The following EEPD1 variants were observed in gnomAD, a reference collection of about 807,000 sequenced individuals.
The protein encoded by EEPD1 is endonuclease/exonuclease/phosphatase family domain-containing protein 1.
Under a neutral mutation model 46.3 loss-of-function variants are expected in EEPD1, and 17 were observed. The ratio of observed to expected loss-of-function variants is 0.37; its 90% CI spans 0.25 to 0.55. The LOEUF (loss-of-function observed/expected upper bound fraction) is 0.55. Ranked by LOEUF, EEPD1 falls within the 20% of genes least tolerant of loss-of-function variation. The probability of loss-of-function intolerance (pLI) is 0.83; values close to 1 mark genes in which losing one functional copy is unlikely to be tolerated. For missense variants in EEPD1, 673 were observed against 745.6 expected (o/e 0.90, Z 1.13); for synonymous variants, 313 against 315.6 (o/e 0.99, Z 0.09).
intron 2 of EEPD1, among the ~76,000 whole-genome samples, chr7:36,227,145 C>T (rs1026930296): frequency 6.6e-6 from 1 of 151,932 alleles, no homozygotes; most frequent in Non-Finnish European, 1.5e-5. Context: ...ATTTTGTGCT[C>T]AAAATTTGAA....
At chr7:36,217,207 T>C (rs911317159) in intron 2 of EEPD1, among the ~76,000 whole-genome samples, 5 of 152,286 alleles carry the variant, frequency 3.3e-5, no homozygotes, top group Admixed American at 6.5e-5. Flanking sequence ...TATTTCTTGA[T>C]TATGTGCTAA....
At chr7:36,237,397 A>G (rs1042315901) in intron 2 of EEPD1, among the ~76,000 whole-genome samples, 8 of 152,062 alleles carry the variant, frequency 5.3e-5, no homozygotes, top group Non-Finnish European at 1.2e-4. Flanking sequence ...TTGGCCTCCC[A>G]AAGTGCTGGG....
intron 2 of EEPD1, among the ~76,000 whole-genome samples, chr7:36,210,959 C>T (rs1351075277): frequency 6.6e-6 from 1 of 152,200 alleles, no homozygotes; most frequent in Non-Finnish European, 1.5e-5. Context: ...TGGCTTCACC[C>T]CTTACTGCTG....
At position 36,154,181 on chromosome 7, in the gene EEPD1, G is replaced by T. The variant is rs1784772705; in HGVS notation, c.-144G>T. 1 of 1,000,510 alleles carries T rather than the reference G, an allele frequency of 1.0e-6. No homozygotes were observed. Among genetic ancestry groups the T allele is most frequent in the African/African-American group, 1.6e-5 (1 of 61,354 alleles). The allele number at this position is 1,000,510 out of a possible 1,614,324, so 62.0% of individuals were successfully genotyped here. A position where few individuals can be genotyped will look rare whatever the true frequency, so the allele number is the denominator to read the frequency against. ...GGACACGCCAGGCATGGAAGATTCG[G>T]TGTTTGTCTATAGTAACCTCTTCAG... On this transcript the variant is annotated 5_prime_UTR_variant, in exon 2 of 8. Coordinates refer to ENST00000242108, the MANE Select transcript of EEPD1 (RefSeq NM_030636.3). This position sits in a 1 kb window ranked among gnomAD's most constrained non-coding sequence, Gnocchi z 4.2.
intron 6 of EEPD1, among the ~76,000 whole-genome samples, chr7:36,289,660 A>G (rs1233259161): frequency 1.3e-5 from 2 of 152,178 alleles, no homozygotes; most frequent in African/African-American, 4.8e-5. Flanking sequence ...GCGCCTGGCT[A>G]ATTTTTTGTA....
In EEPD1 at chr7:36,153,552, C is replaced by CAGTG. The variant is rs1267776805; in HGVS notation, c.-313_-310dup. The CAGTG allele has an allele frequency of 2.6e-5, 4 of 152,476 alleles. No homozygotes were observed. Among genetic ancestry groups the CAGTG allele is most frequent in the Non-Finnish European group, 4.4e-5 (3 of 68,256 alleles). 9.4% of individuals were successfully genotyped at this position (152,476 alleles called of 1,614,324 possible). A position where few individuals can be genotyped will look rare whatever the true frequency, so the allele number is the denominator to read the frequency against. ...GCGTAGTCGGCTTCCAGGGCCTGAC[C>CAGTG]AGTGACCCACACCCGCGCGGACGCC... On this transcript the variant is annotated 5_prime_UTR_variant, in exon 1 of 8. Transcript: ENST00000242108.
chr7:36,168,242 C>G (rs1209474155), intron 2 of EEPD1, among the ~76,000 whole-genome samples: 1 of 152,170 alleles, frequency 6.6e-6, no homozygotes, highest in African/African-American at 2.4e-5. Context: ...TTATTTTACC[C>G]CACATGCTGT....
rs1278963870 is a variant in EEPD1, at chr7:36,193,318, G to A, written c.878+38116G>A. On this transcript the variant is annotated intron_variant, in intron 2 of 7. Transcript: ENST00000242108. The surrounding 1 kb of genome is among the most constrained non-coding windows in gnomAD (Gnocchi z 4.9). ...GCAGAGTTCCCGAGAGGGAGAGTGT[G>A]CAGAAGCCTGGAGCCTGGAGAGGGG... Among the ~76,000 whole-genome samples the A allele has an allele frequency of 6.6e-6, 1 of 152,196 alleles. No homozygotes were observed. Among genetic ancestry groups the A allele is most frequent in the East Asian group, 1.9e-4 (1 of 5,188 alleles).
chr7:36,164,620 C>T (rs751440488), intron 2 of EEPD1, among the ~76,000 whole-genome samples: 5 of 152,222 alleles, frequency 3.3e-5, no homozygotes, highest in Non-Finnish European at 5.9e-5. Context: ...CAGGTAACTG[C>T]AGGTGGTTAC....
intron 2 of EEPD1, among the ~76,000 whole-genome samples, chr7:36,216,377 T>C (rs948966725): frequency 1.3e-5 from 2 of 152,234 alleles, no homozygotes; most frequent in Non-Finnish European, 2.9e-5. Flanking sequence ...TCAGTCTCTT[T>C]AGTGCTCAAG....
At chr7:36,272,274 T>C (rs1452249788) in intron 3 of EEPD1, among the ~76,000 whole-genome samples, 1 of 152,016 alleles carries the variant, frequency 6.6e-6, no homozygotes, top group Non-Finnish European at 1.5e-5. Context: ...CCAAAGACCT[T>C]TGGAGAAGTA....
intron 2 of EEPD1, among the ~76,000 whole-genome samples, chr7:36,237,299 A>G (rs1350511554): frequency 6.6e-6 from 1 of 152,210 alleles, no homozygotes; most frequent in Non-Finnish European, 1.5e-5. Context: ...TCTTGAAGTC[A>G]GCAAGACCAA....
chr7:36,275,085 T>C (rs1787163775), intron 3 of EEPD1, among the ~76,000 whole-genome samples: 2 of 152,190 alleles, frequency 1.3e-5, no homozygotes, highest in African/African-American at 2.4e-5. Flanking sequence ...GCAAAACTCA[T>C]TGTCAAAGGG....
intron 6 of EEPD1, among the ~76,000 whole-genome samples, chr7:36,292,527 T>C (rs1435915589): frequency 1.3e-5 from 2 of 151,856 alleles, no homozygotes; most frequent in Non-Finnish European, 2.9e-5. Flanking sequence ...TCTTTTCTTC[T>C]TTGACAGAGT....
chr7:36,287,317 T>A (rs1787355606), intron 5 of EEPD1, among the ~76,000 whole-genome samples: 1 of 149,362 alleles, frequency 6.7e-6, no homozygotes, highest in Non-Finnish European at 1.5e-5. Flanking sequence ...CTCCTTCTTA[T>A]ATAGGACTGC....
chr7:36,280,533 T>C (rs1787245051), intron 3 of EEPD1, among the ~76,000 whole-genome samples: 1 of 152,204 alleles, frequency 6.6e-6, no homozygotes. Context: ...TCAGTGACAG[T>C]CACTTTACAG....
At chr7:36,183,875 G>GTTTTTTTTTTTTTTTTTTTTTTTTT (rs35033256) in intron 2 of EEPD1, among the ~76,000 whole-genome samples, 5 of 51,890 alleles carry the variant, frequency 9.6e-5, no homozygotes, top group Non-Finnish European at 3.2e-4. Context: ...CCTAGCCCTC[G>GTTTTTTTTTTTTTTTTTTTTTTTTT]TTTTTTTTTT....
chr7:36,205,596 G>A (rs1315576813), intron 2 of EEPD1, among the ~76,000 whole-genome samples: 1 of 152,186 alleles, frequency 6.6e-6, no homozygotes, highest in East Asian at 1.9e-4. Context: ...GCATCTGGAG[G>A]GGTAAAAGCG....
chr7:36,219,761 AAGAG>A (rs1190851427), intron 2 of EEPD1, among the ~76,000 whole-genome samples: 2 of 124,410 alleles, frequency 1.6e-5, no homozygotes, highest in East Asian at 5.0e-4. Context: ...CATGCATTTA[AAGAG>A]AGAGAGAGAA....
Sources: gnomAD v4.1 joint callset for allele counts (sites outside exome capture counted in the v4.1 genomes callset) on GRCh38, gnomAD v4.1.1 for gene constraint, Gnocchi (gnomAD v3.1) non-coding constraint, MANE v1.5 for transcripts, NCBI Gene and HGNC (gene_info 2026-07-23, HGNC 2026-07-21) for gene names.